The following SRBD1 variants were observed in gnomAD, a reference collection of about 807,000 sequenced individuals.
The protein encoded by SRBD1 is S1 RNA binding domain 1, also known as S1 RNA-binding domain-containing protein 1.
SRBD1 carries 88 observed loss-of-function variants against 115.3 expected under a neutral mutation model. The observed-to-expected ratio is 0.76, with a 90% CI of 0.64 to 0.91. The LOEUF (loss-of-function observed/expected upper bound fraction) is 0.91. Among genes scored for constraint, SRBD1 ranks in the 40% least tolerant of loss-of-function variants. The pLI is 0.00. For missense variants in SRBD1, 1,385 were observed against 1,177.4 expected (o/e 1.18, Z -2.58); for synonymous variants, 509 against 407.7 (o/e 1.25, Z -2.99).
intron 14 of SRBD1, among the ~76,000 whole-genome samples, chr2:45,536,889 TTCA>T (rs1367312402): frequency 6.6e-6 from 1 of 152,160 alleles, no homozygotes; most frequent in Non-Finnish European, 1.5e-5. Context: ...AAACTGTAAT[TTCA>T]TAGAGCAATG....
chr2:45,515,692 T>A (rs559996257), intron 14 of SRBD1, among the ~76,000 whole-genome samples: 1 of 152,266 alleles, frequency 6.6e-6, no homozygotes, highest in African/African-American at 2.4e-5. Flanking sequence ...CTCCTCCTCT[T>A]TCTCACCTGA....
At chr2:45,551,898 T>C (rs1238402556) in intron 11 of SRBD1, among the ~76,000 whole-genome samples, 5 of 152,080 alleles carry the variant, frequency 3.3e-5, no homozygotes, top group South Asian at 2.1e-4. Flanking sequence ...CGATTTGTAA[T>C]ATGCATTGGA....
In SRBD1 at chr2:45,581,753, C is replaced by T. The variant is rs1487106591; in HGVS notation, c.873G>A (p.Met291Ile). The T allele has an allele frequency of 6.2e-6, 10 of 1,613,470 alleles. No homozygotes were observed. Among genetic ancestry groups the T allele is most frequent in the South Asian group, 5.5e-5 (5 of 91,058 alleles). ...TIQKIKKEGKMSECLLKAMLN... is the reference protein window; with the variant it reads ...TIQKIKKEGKISECLLKAMLN... ...GCATGGCTTTTAACAAGCACTCAGA[C>T]ATCTTCCCTTCCTTCTTAATTTTCT... is the stretch of plus-strand genomic sequence containing the variant. Residue 291 changes from methionine (M) to isoleucine (I), a missense_variant, in exon 6 of 21, where the codon ATG becomes ATA. Physicochemically the swap from Met to Ile is conservative, Grantham distance 10. Coordinates refer to ENST00000263736, the MANE Select transcript of SRBD1 (RefSeq NM_018079.5).
rs532137929 is a variant in SRBD1 at position 45,539,262 on chromosome 2, G to A, written c.1874+7470C>T. On this transcript the variant is annotated intron_variant, in intron 14 of 20. Coordinates refer to ENST00000263736, the MANE Select transcript of SRBD1 (RefSeq NM_018079.5). ...GCTAAAAAAAAAAAATGAAGTATAT[G>A]TGGGAACCTTGATTTCTGAAGCTGA... 2.8e-3 allele frequency among the ~76,000 whole-genome samples: 424 copies of A among 151,992 alleles called. 2 individuals carry two copies. The highest frequency in any genetic ancestry group is 9.7e-3 in the African/African-American group (402 of 41,478).
At chr2:45,604,703 C>T (rs920829373) in intron 2 of SRBD1, among the ~76,000 whole-genome samples, 3 of 152,140 alleles carry the variant, frequency 2.0e-5, no homozygotes, top group Admixed American at 1.3e-4. Context: ...AGATCTCTTG[C>T]CACATCTTCC....
chr2:45,506,797 A>G (rs1242459738), intron 14 of SRBD1, among the ~76,000 whole-genome samples: 1 of 152,222 alleles, frequency 6.6e-6, no homozygotes, highest in Non-Finnish European at 1.5e-5. Context: ...TTTAAAAATC[A>G]AATGTAAATT....
chr2:45,578,881 T>C (rs1673259246), intron 7 of SRBD1, among the ~76,000 whole-genome samples: 1 of 152,270 alleles, frequency 6.6e-6, no homozygotes, highest in Non-Finnish European at 1.5e-5. Context: ...TGTGAGATGA[T>C]GAATATGTTA....
chr2:45,514,675 C>A (rs1259017603), intron 14 of SRBD1, among the ~76,000 whole-genome samples: 1 of 150,994 alleles, frequency 6.6e-6, no homozygotes, highest in Non-Finnish European at 1.5e-5. Flanking sequence ...GGGGAGGGTA[C>A]TGAAACTGTC....
In SRBD1 at chr2:45,477,056, T is replaced by C; in HGVS notation, c.1986A>G (p.Val662=). Residue 662 remains valine (V), a synonymous_variant, in exon 16 of 21, where the codon GTA becomes GTG. Transcript: ENST00000263736. ...LRSAVSIARR[V]QDPLAELVKI... ...TCACTAGCTCAGCTAATGGATCTTG[T>C]ACACGCCTTGCTATGGAAACTGAAA... 1 of 1,613,686 alleles carries C rather than the reference T, an allele frequency of 6.2e-7. No homozygotes were observed. The highest frequency in any genetic ancestry group is 1.1e-5 in the South Asian group (1 of 91,068).
chr2:45,596,989 C>A (rs9677788), intron 4 of SRBD1, among the ~76,000 whole-genome samples: 1,721 of 18,126 alleles, frequency 0.095, 33 homozygotes, highest in African/African-American at 0.19. Context: ...CCACAACCCT[C>A]ACACACACAC....
At chr2:45,402,137 C>T (rs1041230298) in intron 19 of SRBD1, among the ~76,000 whole-genome samples, 1 of 152,110 alleles carries the variant, frequency 6.6e-6, no homozygotes, top group Non-Finnish European at 1.5e-5. Flanking sequence ...GGCCCTCCCC[C>T]AATCTCAACT....
At chr2:45,448,442 T>C (rs1409875582) in intron 16 of SRBD1, among the ~76,000 whole-genome samples, 2 of 152,142 alleles carry the variant, frequency 1.3e-5, no homozygotes, top group African/African-American at 2.4e-5. Flanking sequence ...GAGTGGACCA[T>C]TCTACTATTA....
intron 11 of SRBD1, 130 bp downstream of exon 11, chr2:45,553,493 A>G (rs900397245): frequency 1.0e-5 from 5 of 480,372 alleles, no homozygotes; most frequent in African/African-American, 1.0e-4. Context: ...CTTAACTTTA[A>G]CACTTTGTGA....
chr2:45,415,931 T>C (rs57343587), intron 18 of SRBD1, among the ~76,000 whole-genome samples: 1 of 151,784 alleles, frequency 6.6e-6, no homozygotes, highest in African/African-American at 2.4e-5. Context: ...CAGACACCTA[T>C]TAACTCCAGA....
At chr2:45,545,880 A>G (rs1453574833) in intron 14 of SRBD1, among the ~76,000 whole-genome samples, 1 of 152,168 alleles carries the variant, frequency 6.6e-6, no homozygotes, top group Non-Finnish European at 1.5e-5. Context: ...CTACCTACAC[A>G]AATCCTAGAA....
chr2:45,553,765 C>T, intron 10 of SRBD1, 35 bp from the exon 11 acceptor site: 1 of 1,404,790 alleles, frequency 7.1e-7, no homozygotes, highest in Non-Finnish European at 9.6e-7. Flanking sequence ...AAAACTGATG[C>T]AACAATAAAT....
At chr2:45,581,901 A>T in intron 5 of SRBD1, 91 bp from the exon 6 acceptor site, 1 of 959,046 alleles carries the variant, frequency 1.0e-6, no homozygotes, top group East Asian at 2.4e-5. Flanking sequence ...GTTGCAGGTA[A>T]AGTAAAAGGA....
At chr2:45,389,985 T>C (rs1465121312) in intron 20 of SRBD1, among the ~76,000 whole-genome samples, 2 of 150,926 alleles carry the variant, frequency 1.3e-5, no homozygotes, top group Non-Finnish European at 3.0e-5. Flanking sequence ...GACTGGAAGC[T>C]TTTTTTTTGG....
chr2:45,544,232 C>CAA (rs777800446), intron 14 of SRBD1, among the ~76,000 whole-genome samples: 887 of 72,160 alleles, frequency 0.012, 16 homozygotes, highest in African/African-American at 0.044. Context: ...GACTCCGGCT[C>CAA]AAAAAAAAAA....
Sources: gnomAD v4.1 joint callset for allele counts (sites outside exome capture counted in the v4.1 genomes callset) on GRCh38, gnomAD v4.1.1 for gene constraint, MANE v1.5 for transcripts, NCBI Gene and HGNC (gene_info 2026-07-23, HGNC 2026-07-21) for gene names.